Variants in MIA2 observed in about 807,000 individuals in gnomAD.
MIA2 encodes the protein MIA SH3 domain ER export factor 2, also known as melanoma inhibitory activity protein 2.
A neutral mutation model predicts 167.8 loss-of-function variants in MIA2; 127 were observed. That is an observed-to-expected ratio of 0.76 (90% CI 0.66 to 0.88). MIA2 has a LOEUF of 0.88. Among genes scored for constraint, MIA2 ranks in the 40% least tolerant of loss-of-function variants. The pLI, the probability that MIA2 is intolerant of heterozygous loss-of-function variation, is 0.00. For synonymous variants in MIA2, 552 were observed against 541.9 expected (o/e 1.02, Z -0.26); for missense variants, 1,690 against 1,624.7 (o/e 1.04, Z -0.69).
rs775419560 is a variant in MIA2 at position 39,237,197 on chromosome 14, T to C, written c.249+142T>C. The C allele has an allele frequency of 6.6e-6, 6 of 907,514 alleles. No individual in the cohort carries two copies. In the South Asian group the frequency reaches 8.6e-5, roughly 13 times the overall value. 56.2% of individuals were successfully genotyped at this position (907,514 alleles called of 1,614,324 possible). On this transcript the variant is annotated intron_variant, in intron 2 of 28. Transcript: ENST00000640607. ...ATGCAGTGGTGTGATCACAGCTCAC[T>C]ACAACTTCCAGCTTCCAACTCCTGA...
chr14:39,332,123 G>C (rs112985793), intron 25 of MIA2, among the ~76,000 whole-genome samples: 11,475 of 152,216 alleles, frequency 0.075, 1,030 homozygotes, highest in East Asian at 0.5. Flanking sequence ...ATATTTCTTG[G>C]AGGCTTTGTT....
chr14:39,288,712 C>T lies in MIA2; in HGVS notation c.2131-2307C>T, dbSNP rs113899792. On this transcript the variant is annotated intron_variant, in intron 9 of 28. Transcript: ENST00000640607. Reference sequence around the variant, plus strand: ...TCCTGACCCTGTGATCTGTCCGCCTCGGCCTCCCAAAGTGCTGGGATTACA... The same window carrying T: ...TCCTGACCCTGTGATCTGTCCGCCTTGGCCTCCCAAAGTGCTGGGATTACA... Among the ~76,000 whole-genome samples, 676 of 151,200 alleles carry T rather than the reference C, an allele frequency of 4.5e-3. 7 individuals are homozygous for T. The highest frequency in any genetic ancestry group is 0.015 in the African/African-American group (619 of 41,096).
chr14:39,269,465 T>C lies in MIA2; in HGVS notation c.1888-7469T>C, dbSNP rs148791752. Among the ~76,000 whole-genome samples the C allele has an allele frequency of 6.9e-3, 1,056 of 152,230 alleles. 9 individuals carry two copies. The highest frequency in any genetic ancestry group is 0.019 in the African/African-American group (802 of 41,554). On this transcript the variant is annotated intron_variant, in intron 6 of 28. Coordinates refer to ENST00000640607, the MANE Select transcript of MIA2 (RefSeq NM_001329214.4). ...TTTGTCTGGCTTCTTTTACTTAGCA[T>C]GTTTTCAAGGCTTATCCATGTTGTA...
chr14:39,351,026 C>G (rs2074337204), downstream of MIA2: 1 of 151,876 alleles, frequency 6.6e-6, no homozygotes, highest in African/African-American at 2.4e-5. Flanking sequence ...TTGAGATGTA[C>G]TACAGGATAA....
rs1190381136 is a variant in MIA2, at chr14:39,247,006, T to A, written c.432T>A (p.Tyr144Ter). ...ATTATGGTGAAAATATATATCCTTATGAAGAAGATAAAGATGAAAAATCTA... is the reference window on the plus strand; with the variant it reads ...ATTATGGTGAAAATATATATCCTTAAGAAGAAGATAAAGATGAAAAATCTA... ...NGDYGENIYP[Y>*]EEDKDEKSSI... The change falls in exon 4 of 29, where the codon TAT (tyrosine) becomes TAA (stop). Residue 144 changes from tyrosine to a stop codon, truncating the protein, a stop_gained. Transcript: ENST00000640607. LOFTEE classifies it high-confidence loss of function. The A allele has an allele frequency of 6.3e-7, 1 of 1,585,634 alleles. No individual in the cohort carries two copies.
At chr14:39,357,342 A>G (rs1268272301) in intron 23 of MIA2, among the ~76,000 whole-genome samples, 2 of 152,102 alleles carry the variant, frequency 1.3e-5, no homozygotes, top group Non-Finnish European at 2.9e-5. Flanking sequence ...TTGTTGGTTT[A>G]AAGTCTGTTT....
chr14:39,302,207 G>C lies in MIA2; in HGVS notation c.2698G>C (p.Glu900Gln). Residue 900 changes from glutamate to glutamine, a missense_variant, in exon 15 of 29, where the codon GAA becomes CAA. Glu to Gln is a conservative substitution (Grantham distance 29). Transcript: ENST00000640607. ...GEDITDDDNL[E>Q]LEMNSESENG... ...AGACATAACGGATGATGATAACTTG[G>C]AATTAGAAATGAACAGTGAATCGGA... The C allele has an allele frequency of 6.2e-7, 1 of 1,613,836 alleles. No homozygotes were observed. Among genetic ancestry groups the C allele is most frequent in the Non-Finnish European group, 8.5e-7 (1 of 1,179,830 alleles).
chr14:39,256,076 G>C (rs1482577256), intron 6 of MIA2, among the ~76,000 whole-genome samples: 2 of 152,058 alleles, frequency 1.3e-5, no homozygotes, highest in African/African-American at 4.8e-5. Flanking sequence ...TGAATTTCTG[G>C]GTTCTCTTGA....
At position 39,283,674 on chromosome 14, in the gene MIA2, T is replaced by C. The variant is rs186578221; in HGVS notation, c.2130+4137T>C. On this transcript the variant is annotated intron_variant, in intron 9 of 28. Coordinates refer to ENST00000640607, the MANE Select transcript of MIA2 (RefSeq NM_001329214.4). ...CCTTCACAAATACTTGTCATCTCTCTTGTCTTTTTGATAATAGCTATTCTA... is the reference window on the plus strand; with the variant it reads ...CCTTCACAAATACTTGTCATCTCTCCTGTCTTTTTGATAATAGCTATTCTA... Among the ~76,000 whole-genome samples the C allele has an allele frequency of 3.1e-4, 47 of 152,242 alleles. No individual in the cohort carries two copies. In the East Asian group the frequency reaches 7.5e-3, roughly 24 times the overall value.
intron 21 of MIA2, among the ~76,000 whole-genome samples, chr14:39,316,631 T>G (rs2065502864): frequency 6.6e-6 from 1 of 152,136 alleles, no homozygotes; most frequent in South Asian, 2.1e-4. Flanking sequence ...GGGTGAGAGA[T>G]TAGGTGTGGT....
intron 6 of MIA2, chr14:39,267,562 C>T: frequency 6.2e-7 from 1 of 1,605,550 alleles, no homozygotes; most frequent in Non-Finnish European, 8.5e-7. Flanking sequence ...GCCCAGGGGT[C>T]GCGGGAGCCG....
At chr14:39,313,804 T>G (rs2064816147) in intron 19 of MIA2, among the ~76,000 whole-genome samples, 1 of 152,082 alleles carries the variant, frequency 6.6e-6, no homozygotes, top group Non-Finnish European at 1.5e-5. Context: ...TATTAGTGAA[T>G]CAATAGGTGT....
chr14:39,331,266 C>G (rs1255833171), intron 25 of MIA2, among the ~76,000 whole-genome samples: 1 of 152,096 alleles, frequency 6.6e-6, no homozygotes, highest in African/African-American at 2.4e-5. Context: ...TTATCAGAGA[C>G]TAGGATTACA....
intron 23 of MIA2, among the ~76,000 whole-genome samples, chr14:39,319,955 A>G (rs1021475712): frequency 1.3e-5 from 2 of 151,964 alleles, no homozygotes; most frequent in African/African-American, 4.8e-5. Flanking sequence ...GTAGAATTCC[A>G]TTTTAATAAC....
intron 3 of MIA2, among the ~76,000 whole-genome samples, chr14:39,246,237 C>T (rs899186726): frequency 6.6e-6 from 1 of 152,006 alleles, no homozygotes; most frequent in African/African-American, 2.4e-5. Context: ...GCTGGGACTA[C>T]AGGCGCCCAC....
intron 6 of MIA2, chr14:39,267,486 A>T: frequency 6.2e-7 from 1 of 1,613,430 alleles, no homozygotes; most frequent in Non-Finnish European, 8.5e-7. Context: ...TTACCCCTCA[A>T]CCGTATTTGG....
intron 9 of MIA2, among the ~76,000 whole-genome samples, chr14:39,288,450 TATATATATATATATATA>T (rs1275380742): frequency 0.039 from 990 of 25,404 alleles, 161 homozygotes; most frequent in Non-Finnish European, 0.05. Flanking sequence ...TATATATATA[TATATATATATATATATA>T]TATATATATT....
chr14:39,331,855 C>T (rs2068958396), intron 25 of MIA2, among the ~76,000 whole-genome samples: 2 of 152,160 alleles, frequency 1.3e-5, no homozygotes, highest in Admixed American at 6.5e-5. Flanking sequence ...TTGTGGTTAA[C>T]CTGACCTTTC....
At chr14:39,274,069 G>A (rs1256961928) in intron 6 of MIA2, among the ~76,000 whole-genome samples, 2 of 152,116 alleles carry the variant, frequency 1.3e-5, no homozygotes, top group Non-Finnish European at 2.9e-5. Context: ...TTGTCAACCT[G>A]ATTAATTGAT....
Sources: gnomAD v4.1 joint callset for allele counts (sites outside exome capture counted in the v4.1 genomes callset) on GRCh38, gnomAD v4.1.1 for gene constraint, MANE v1.5 for transcripts, NCBI Gene and HGNC (gene_info 2026-07-23, HGNC 2026-07-21) for gene names.